The following TBC1D9 variants were observed in gnomAD, a reference collection of about 807,000 sequenced individuals.
TBC1D9 encodes TBC1 domain family member 9A.
TBC1D9 carries 63 observed loss-of-function variants against 132.0 expected under a neutral mutation model. That is an observed-to-expected ratio of 0.48 (90% CI 0.39 to 0.59). The LOEUF (loss-of-function observed/expected upper bound fraction) is 0.59, where lower values mean the gene tolerates loss of function less well. Among genes scored for constraint, TBC1D9 ranks in the 20% least tolerant of loss-of-function variants. TBC1D9 has a pLI of 0.00. For missense variants in TBC1D9, 1,261 were observed against 1,592.7 expected (o/e 0.79, Z 3.54); for synonymous variants, 610 against 609.9 (o/e 1.00, Z 0.00).
chr4:140,645,854 TCA>T (rs1185042689), intron 13 of TBC1D9, among the ~76,000 whole-genome samples: 2 of 152,230 alleles, frequency 1.3e-5, no homozygotes, highest in African/African-American at 2.4e-5. Context: ...TGTGCTTCTC[TCA>T]GACAGCACTG....
chr4:140,716,924 A>T (rs1738343339), intron 1 of TBC1D9, among the ~76,000 whole-genome samples: 1 of 150,860 alleles, frequency 6.6e-6, no homozygotes, highest in Non-Finnish European at 1.5e-5. Context: ...GGGGCTGTAA[A>T]AAAAAAAAAA....
chr4:140,653,951 C>T (rs760031843), intron 13 of TBC1D9, among the ~76,000 whole-genome samples: 8 of 152,298 alleles, frequency 5.3e-5, no homozygotes, highest in Middle Eastern at 3.4e-3. Context: ...TCTTTGCTTT[C>T]GCTTTAAAAA....
chr4:140,676,628 G>A (rs1311576981), intron 6 of TBC1D9, among the ~76,000 whole-genome samples: 16 of 152,130 alleles, frequency 1.1e-4, no homozygotes, highest in African/African-American at 3.4e-4. Context: ...ACTCCAGCGT[G>A]GGTGACAGAG....
At chr4:140,741,007 A>AGTAAACTGAAAAACTAGTTCAGGCCATG (rs1170037881) in intron 1 of TBC1D9, among the ~76,000 whole-genome samples, 7 of 152,224 alleles carry the variant, frequency 4.6e-5, no homozygotes, top group Non-Finnish European at 1.0e-4. Flanking sequence ...GGACTTCAAA[A>AGTAAACTGAAAAACTAGTTCAGGCCATG]GTAAACTGAA....
intron 13 of TBC1D9, chr4:140,642,494 C>A (rs1737019422): frequency 9.1e-7 from 1 of 1,104,688 alleles, no homozygotes; most frequent in Non-Finnish European, 1.4e-6. Flanking sequence ...TTCCCCCCAG[C>A]ACTGTCTGAA....
intron 5 of TBC1D9, among the ~76,000 whole-genome samples, chr4:140,677,447 T>C (rs1464109844): frequency 6.6e-6 from 1 of 152,140 alleles, no homozygotes; most frequent in Non-Finnish European, 1.5e-5. Flanking sequence ...TCCAAGCCAC[T>C]TTAGGGGGGG....
chr4:140,751,475 G>C (rs1738922713), intron 1 of TBC1D9, among the ~76,000 whole-genome samples: 1 of 152,066 alleles, frequency 6.6e-6, no homozygotes. Flanking sequence ...GGTTAAAACT[G>C]TTACATTTCT....
At chr4:140,690,732 A>C (rs1737864617) in intron 2 of TBC1D9, among the ~76,000 whole-genome samples, 1 of 152,176 alleles carries the variant, frequency 6.6e-6, no homozygotes, top group Admixed American at 6.5e-5. Context: ...GAGTTTCAGA[A>C]GACTGGATTC....
At chr4:140,717,048 T>C (rs771097783) in intron 1 of TBC1D9, among the ~76,000 whole-genome samples, 1 of 152,162 alleles carries the variant, frequency 6.6e-6, no homozygotes, top group Non-Finnish European at 1.5e-5. Context: ...AAATAAATAT[T>C]TTGAAACTTT....
chr4:140,646,607 G>A (rs1737106814), intron 13 of TBC1D9, among the ~76,000 whole-genome samples: 1 of 152,046 alleles, frequency 6.6e-6, no homozygotes, highest in Non-Finnish European at 1.5e-5. Context: ...GGAGTTTACA[G>A]CAAAAAAGAC....
intron 10 of TBC1D9, 50 bp downstream of exon 10, chr4:140,661,843 A>G (rs772461747): frequency 2.4e-5 from 35 of 1,469,512 alleles, no homozygotes; most frequent in Admixed American, 3.9e-5. Context: ...CTGCCAAATG[A>G]ATAGAAATTT....
At chr4:140,710,442 C>T (rs193033310) in intron 1 of TBC1D9, among the ~76,000 whole-genome samples, 3 of 152,232 alleles carry the variant, frequency 2.0e-5, no homozygotes, top group African/African-American at 7.2e-5. Context: ...TAAGTACTCA[C>T]AAAGTAAATG....
intron 1 of TBC1D9, among the ~76,000 whole-genome samples, chr4:140,731,094 G>A (rs1738582703): frequency 6.6e-6 from 1 of 152,202 alleles, no homozygotes; most frequent in African/African-American, 2.4e-5. Flanking sequence ...GGGAAAGGCA[G>A]GTAGGCTGCA....
At chr4:140,623,222 C>G (rs1441006903) in intron 20 of TBC1D9, among the ~76,000 whole-genome samples, 3 of 152,152 alleles carry the variant, frequency 2.0e-5, no homozygotes, top group African/African-American at 7.2e-5. Flanking sequence ...GCACACACCA[C>G]TATACTCTGC....
chr4:140,665,631 C>A (rs1030903612), intron 9 of TBC1D9, among the ~76,000 whole-genome samples: 6 of 152,032 alleles, frequency 3.9e-5, no homozygotes, highest in African/African-American at 9.7e-5. Flanking sequence ...CATAAAAAAA[C>A]CTGTATTTAA....
chr4:140,704,783 C>A (rs1040001702), intron 1 of TBC1D9, among the ~76,000 whole-genome samples: 1 of 152,178 alleles, frequency 6.6e-6, no homozygotes, highest in East Asian at 1.9e-4. Context: ...ATTAACAAAG[C>A]CTCTGGTGTC....
At chr4:140,678,445 T>C (rs1453922126) in intron 5 of TBC1D9, among the ~76,000 whole-genome samples, 2 of 152,218 alleles carry the variant, frequency 1.3e-5, no homozygotes, top group Non-Finnish European at 2.9e-5. Flanking sequence ...ATTCAGACTT[T>C]GAGGCTTCTC....
intron 2 of TBC1D9, among the ~76,000 whole-genome samples, chr4:140,693,573 C>T (rs192038925): frequency 9.2e-5 from 14 of 152,258 alleles, no homozygotes; most frequent in Admixed American, 3.9e-4. Context: ...AGGTAATACA[C>T]GTCAAGTCCT....
At chr4:140,718,090 C>T (rs191537478) in intron 1 of TBC1D9, among the ~76,000 whole-genome samples, 1 of 152,164 alleles carries the variant, frequency 6.6e-6, no homozygotes, top group African/African-American at 2.4e-5. Context: ...AATTTCAATG[C>T]ATACTGATGG....
Sources: gnomAD v4.1 joint callset for allele counts (sites outside exome capture counted in the v4.1 genomes callset) on GRCh38, gnomAD v4.1.1 for gene constraint, MANE v1.5 for transcripts, NCBI Gene and HGNC (gene_info 2026-07-23, HGNC 2026-07-21) for gene names.